Variants in HAO2 observed in about 807,000 individuals in gnomAD.
HAO2 encodes the protein 2-Hydroxyacid oxidase 2.
A neutral mutation model predicts 37.4 loss-of-function variants in HAO2; 42 were observed. The ratio of observed to expected loss-of-function variants is 1.12; its 90% CI spans 0.88 to 1.45. The LOEUF is 1.45. Ranked by LOEUF, HAO2 falls within the 40% of genes most tolerant of loss-of-function variation. The pLI is 0.00. For synonymous variants in HAO2, 180 were observed against 162.8 expected (o/e 1.11, Z -0.81); for missense variants, 476 against 430.2 (o/e 1.11, Z -0.94).
At chr1:119,373,340 A>C (rs1179678479) in intron 1 of HAO2, among the ~76,000 whole-genome samples, 52 of 152,208 alleles carry the variant, frequency 3.4e-4, no homozygotes, top group Admixed American at 3.4e-3. Context: ...GCTAATTCTA[A>C]GTTATATTGC....
intron 1 of HAO2, among the ~76,000 whole-genome samples, chr1:119,379,388 A>G (rs1334254997): frequency 1.3e-5 from 2 of 152,210 alleles, no homozygotes; most frequent in Non-Finnish European, 2.9e-5. Flanking sequence ...CCAAGTTCCC[A>G]GACACCAACC....
At chr1:119,385,429 T>G in intron 4 of HAO2, 1 of 874,028 alleles carries the variant, frequency 1.1e-6, no homozygotes, top group African/African-American at 1.8e-5. Context: ...ATGCTAATTT[T>G]GGATGGCATA....
At chr1:119,381,766 C>G (rs1277258693) in intron 2 of HAO2, among the ~76,000 whole-genome samples, 1 of 152,136 alleles carries the variant, frequency 6.6e-6, no homozygotes, top group Non-Finnish European at 1.5e-5. Flanking sequence ...GGTCCATGAG[C>G]TAACGATGGT....
intron 4 of HAO2, 69 bp from the exon 5 acceptor site, chr1:119,386,553 C>G: frequency 2.1e-6 from 2 of 953,182 alleles, no homozygotes; most frequent in Non-Finnish European, 3.4e-6. Context: ...CTAAATGTGT[C>G]TCATCTTTGG....
intron 1 of HAO2, chr1:119,380,801 G>C (rs1649861545): frequency 2.2e-6 from 2 of 899,486 alleles, no homozygotes; most frequent in Admixed American, 3.9e-5. Flanking sequence ...AAGGTGGTGT[G>C]TGTACAGTGG....
chr1:119,370,451 T>G (rs1648891783), intron 1 of HAO2: 1 of 152,180 alleles, frequency 6.6e-6, no homozygotes, highest in Non-Finnish European at 1.5e-5. Context: ...ACAGGAGGAA[T>G]AATGAACATG....
chr1:119,381,181 C>G lies in HAO2; in HGVS notation c.96C>G (p.Ser32Arg). Reference protein sequence around the residue: ...RDFIEGGADDSITRDDNIAAF... With the variant: ...RDFIEGGADDRITRDDNIAAF... ...TTATTGAAGGTGGAGCAGATGACAGCATCACGCGGGATGACAACATTGCAG... is the reference window on the plus strand; with the variant it reads ...TTATTGAAGGTGGAGCAGATGACAGGATCACGCGGGATGACAACATTGCAG... The change falls in exon 2 of 8, where the codon AGC becomes AGG. Residue 32 changes from serine (S) to arginine (R), a missense_variant. Physicochemically the swap from Ser to Arg is moderately radical, Grantham distance 110. Transcript: ENST00000325945. The G allele has an allele frequency of 6.2e-7, 1 of 1,610,340 alleles. No homozygotes were observed. Among genetic ancestry groups the G allele is most frequent in the Non-Finnish European group, 8.5e-7 (1 of 1,176,558 alleles).
intron 1 of HAO2, among the ~76,000 whole-genome samples, chr1:119,379,485 G>A (rs1649745609): frequency 6.6e-6 from 1 of 151,990 alleles, no homozygotes; most frequent in Non-Finnish European, 1.5e-5. Context: ...TGCACACAGA[G>A]TTGTAAATAA....
chr1:119,388,127 C>T (rs2101256488), intron 5 of HAO2, among the ~76,000 whole-genome samples: 1 of 152,304 alleles, frequency 6.6e-6, no homozygotes, highest in South Asian at 2.1e-4. Flanking sequence ...GCTGAGCACA[C>T]ACTGAGCTCT....
rs757839926 is a variant in HAO2 at position 119,380,363 on chromosome 1, G to GT, written c.-8-714dup. 277 of 293,978 alleles carry GT rather than the reference G, an allele frequency of 9.4e-4. 1 individual carries two copies. Among genetic ancestry groups the GT allele is most frequent in the Admixed American group, 2.0e-3 (40 of 20,342 alleles). The allele number at this position is 293,978 out of a possible 1,614,324, so 18.2% of individuals were successfully genotyped here. On this transcript the variant is annotated intron_variant, in intron 1 of 7. Coordinates refer to ENST00000325945, the MANE Select transcript of HAO2 (RefSeq NM_016527.4). ...GGAGCCAACATACATTGTTTCTCAG[G>GT]TACCCAAATTAGCAAAAATAGGAAA...
intron 6 of HAO2, 127 bp downstream of exon 6, chr1:119,392,395 C>A: frequency 2.4e-6 from 2 of 829,320 alleles, no homozygotes; most frequent in East Asian, 2.5e-5. Context: ...TACACCTAAG[C>A]TGCATCTCCA....
At chr1:119,393,202 G>A (rs187693809) in intron 7 of HAO2, among the ~76,000 whole-genome samples, 34 of 152,080 alleles carry the variant, frequency 2.2e-4, no homozygotes, top group African/African-American at 7.5e-4. Flanking sequence ...GCCTACTCAA[G>A]CCCACAACTC....
chr1:119,377,960 A>C (rs1360552864), intron 1 of HAO2, among the ~76,000 whole-genome samples: 3 of 152,200 alleles, frequency 2.0e-5, no homozygotes, highest in African/African-American at 7.2e-5. Context: ...CCAGCTACTC[A>C]GGAGGCTGAG....
At chr1:119,375,117 G>A (rs777021736) in intron 1 of HAO2, among the ~76,000 whole-genome samples, 1 of 152,042 alleles carries the variant, frequency 6.6e-6, no homozygotes, top group Non-Finnish European at 1.5e-5. Flanking sequence ...TTCTTCTTGG[G>A]CAGTAGGAAT....
chr1:119,371,921 T>C (rs1291205108), intron 1 of HAO2, among the ~76,000 whole-genome samples: 2 of 152,230 alleles, frequency 1.3e-5, no homozygotes, highest in East Asian at 1.9e-4. Context: ...CAAAACACTA[T>C]ATAAACATTT....
Position 119,393,985 on chromosome 1 carries a change from C to A in HAO2, c.*145C>A. On this transcript the variant is annotated 3_prime_UTR_variant, in exon 8 of 8. Coordinates refer to ENST00000325945, the MANE Select transcript of HAO2 (RefSeq NM_016527.4). ...TTTCCCACATTTCTAATACCACCAC[C>A]CCTGTGCTTCAGGCCCTCCAAACCC... 6.7e-7 allele frequency: 1 copy of A among 1,497,288 alleles called. No homozygotes were observed. 92.8% of individuals were successfully genotyped at this position (1,497,288 alleles called of 1,614,324 possible).
chr1:119,382,806 C>A (rs916934785), intron 2 of HAO2, 109 bp from the exon 3 acceptor site: 1 of 997,832 alleles, frequency 1.0e-6, no homozygotes, highest in South Asian at 1.6e-5. Context: ...TCCACAGGAC[C>A]CTGTCTGGTT....
At chr1:119,391,261 GCA>G (rs1327497174) in intron 5 of HAO2, among the ~76,000 whole-genome samples, 1 of 152,108 alleles carries the variant, frequency 6.6e-6, no homozygotes, top group Non-Finnish European at 1.5e-5. Context: ...CCTCAGAGAA[GCA>G]CAGACAAAAA....
intron 1 of HAO2, 52 bp from the exon 2 acceptor site, chr1:119,381,026 C>T (rs2101210087): frequency 1.3e-6 from 2 of 1,507,328 alleles, no homozygotes. Flanking sequence ...TCCTTTTCTG[C>T]ATCTGAAGTG....
Sources: allele counts gnomAD v4.1 joint callset (sites outside exome capture counted in the v4.1 genomes callset), GRCh38; gene constraint gnomAD v4.1.1; transcripts MANE v1.5; gene names NCBI Gene and HGNC (gene_info 2026-07-23, HGNC 2026-07-21).